Variants in RPS6KC1 observed in about 807,000 individuals in gnomAD.
RPS6KC1 encodes inactive ribosomal protein S6 kinase delta-1.
RPS6KC1 carries 54 observed loss-of-function variants against 103.8 expected under a neutral mutation model. The observed-to-expected ratio is 0.52, with a 90% confidence interval of 0.42 to 0.65. RPS6KC1 has a LOEUF of 0.65. Among genes scored for constraint, RPS6KC1 ranks in the 30% least tolerant of loss-of-function variants. The probability of loss-of-function intolerance (pLI) is 0.00; values close to 1 mark genes in which losing one functional copy is unlikely to be tolerated. For synonymous variants in RPS6KC1, 439 were observed against 438.7 expected (o/e 1.00, Z -0.01); for missense variants, 1,151 against 1,253.8 (o/e 0.92, Z 1.24).
chr1:213,178,277 T>C (rs10127851), intron 8 of RPS6KC1, among the ~76,000 whole-genome samples: 110,283 of 151,102 alleles, frequency 0.73, 41,080 homozygotes, highest in African/African-American at 0.88. Context: ...TGGTGGCTCA[T>C]GCCTGTAATC....
At chr1:213,518,507 G>T in the RPS6KC1 span, among the ~76,000 whole-genome samples, 1 of 152,160 alleles carries the variant, frequency 6.6e-6, no homozygotes, top group Admixed American at 6.5e-5. Flanking sequence ...CCTTTGCAGG[G>T]AGCCCTGACC....
chr1:213,210,887 T>C (rs1424249607), intron 8 of RPS6KC1, among the ~76,000 whole-genome samples: 3 of 152,246 alleles, frequency 2.0e-5, no homozygotes, highest in Admixed American at 2.0e-4. Flanking sequence ...GTGTCTGTTA[T>C]CATTATGAGA....
At chr1:213,835,372 A>T in the RPS6KC1 span, among the ~76,000 whole-genome samples, 1 of 152,190 alleles carries the variant, frequency 6.6e-6, no homozygotes, top group East Asian at 1.9e-4. Flanking sequence ...AGAGGCCATT[A>T]GATGTCTTAG....
intron 9 of RPS6KC1, among the ~76,000 whole-genome samples, chr1:213,231,569 A>C (rs1386058058): frequency 6.6e-6 from 1 of 152,194 alleles, no homozygotes; most frequent in Non-Finnish European, 1.5e-5. Flanking sequence ...ACATACTGAA[A>C]CACATTTTGT....
At chr1:213,409,003 G>A in the RPS6KC1 span, among the ~76,000 whole-genome samples, 7 of 152,076 alleles carry the variant, frequency 4.6e-5, no homozygotes, top group Non-Finnish European at 1.0e-4. Flanking sequence ...CTGCTCAAGA[G>A]GTGAAGAACT....
At chr1:213,555,692 T>G in the RPS6KC1 span, among the ~76,000 whole-genome samples, 96,767 of 152,066 alleles carry the variant, frequency 0.64, 31,105 homozygotes, top group East Asian at 0.86. Flanking sequence ...GTACTGTGAA[T>G]TGTGGTTACT....
chr1:213,364,153 C>A, the RPS6KC1 span, among the ~76,000 whole-genome samples: 1 of 152,080 alleles, frequency 6.6e-6, no homozygotes, highest in Non-Finnish European at 1.5e-5. Flanking sequence ...AATACATAAA[C>A]AAATGGATGT....
chr1:213,138,580 C>G (rs891631558), intron 6 of RPS6KC1, among the ~76,000 whole-genome samples: 2 of 152,146 alleles, frequency 1.3e-5, no homozygotes, highest in Non-Finnish European at 2.9e-5. Flanking sequence ...GAATGTTTAA[C>G]TTCCACTTAT....
At chr1:213,506,190 T>C in the RPS6KC1 span, among the ~76,000 whole-genome samples, 1 of 152,210 alleles carries the variant, frequency 6.6e-6, no homozygotes, top group Admixed American at 6.5e-5. Context: ...TGCTGTCCTT[T>C]CTTCTGAAAA....
chr1:213,725,480 A>G, the RPS6KC1 span, among the ~76,000 whole-genome samples: 1 of 152,238 alleles, frequency 6.6e-6, no homozygotes, highest in Admixed American at 6.5e-5. Flanking sequence ...TCTCAAAGGC[A>G]TTCCGGGCTC....
chr1:213,617,680 CTCCCTT>C, the RPS6KC1 span, among the ~76,000 whole-genome samples: 1 of 152,206 alleles, frequency 6.6e-6, no homozygotes, highest in African/African-American at 2.4e-5. Context: ...TCCCTACTGA[CTCCCTT>C]TCCCATAGGC....
the RPS6KC1 span, among the ~76,000 whole-genome samples, chr1:213,359,981 C>T: frequency 1.3e-5 from 2 of 152,106 alleles, no homozygotes; most frequent in Admixed American, 6.5e-5. Context: ...TCTCTGGCTG[C>T]CCTTAACATT....
the RPS6KC1 span, among the ~76,000 whole-genome samples, chr1:213,296,741 G>C: frequency 6.6e-6 from 1 of 152,164 alleles, no homozygotes; most frequent in African/African-American, 2.4e-5. Flanking sequence ...AAGCAGGAGA[G>C]ATCATTCTTG....
At chr1:213,671,960 A>AG in the RPS6KC1 span, among the ~76,000 whole-genome samples, 1 of 152,054 alleles carries the variant, frequency 6.6e-6, no homozygotes, top group Non-Finnish European at 1.5e-5. Context: ...AGCTAAAAAA[A>AG]AAAAGAAAAT....
At chr1:213,774,802 G>T in the RPS6KC1 span, among the ~76,000 whole-genome samples, 1 of 152,210 alleles carries the variant, frequency 6.6e-6, no homozygotes. Flanking sequence ...CTAGAAAGAT[G>T]TGTGCCACAG....
intron 7 of RPS6KC1, among the ~76,000 whole-genome samples, chr1:213,171,352 C>CT (rs912684123): frequency 7.6e-4 from 105 of 138,284 alleles, no homozygotes; most frequent in African/African-American, 1.3e-3. Flanking sequence ...AGATTTCTTT[C>CT]TTTTTTTTTT....
intron 8 of RPS6KC1, among the ~76,000 whole-genome samples, chr1:213,188,603 A>G (rs1304101411): frequency 6.6e-6 from 1 of 152,174 alleles, no homozygotes; most frequent in African/African-American, 2.4e-5. Flanking sequence ...CAATGCACAC[A>G]TAAAAACTGG....
chr1:213,575,356 A>C, the RPS6KC1 span, among the ~76,000 whole-genome samples: 3 of 152,188 alleles, frequency 2.0e-5, no homozygotes, highest in Non-Finnish European at 2.9e-5. Context: ...ATAGGCAATG[A>C]GACCTGTAAG....
chr1:213,183,140 GTA>G (rs2092364242), intron 8 of RPS6KC1, among the ~76,000 whole-genome samples: 1 of 151,932 alleles, frequency 6.6e-6, no homozygotes. Flanking sequence ...TCCTACAAAT[GTA>G]TATACCAGAC....
Sources: gnomAD v4.1 joint callset for allele counts (sites outside exome capture counted in the v4.1 genomes callset) on GRCh38, gnomAD v4.1.1 for gene constraint, MANE v1.5 for transcripts, NCBI Gene and HGNC (gene_info 2026-07-23, HGNC 2026-07-21) for gene names.